Variants in PTPDC1 observed in about 807,000 individuals in gnomAD.
The protein encoded by PTPDC1 is protein tyrosine phosphatase domain containing 1, also known as protein tyrosine phosphatase domain-containing protein 1.
Under a neutral mutation model 75.3 loss-of-function variants are expected in PTPDC1, and 53 were observed. The observed-to-expected ratio is 0.70, with a 90% CI of 0.56 to 0.88. PTPDC1 has a LOEUF of 0.88. PTPDC1 is among the 40% of genes least tolerant of loss of function. The probability of loss-of-function intolerance (pLI) is 0.00; values close to 1 mark genes in which losing one functional copy is unlikely to be tolerated. For missense variants in PTPDC1, 925 were observed against 998.6 expected, an observed-to-expected ratio of 0.93 and a Z score of 0.99; for synonymous variants, 349 against 366.2, an observed-to-expected ratio of 0.95 and a Z score of 0.54.
upstream of PTPDC1, among the ~76,000 whole-genome samples, chr9:94,082,306 C>T (rs923596874): frequency 2.0e-5 from 3 of 152,214 alleles, no homozygotes; most frequent in Non-Finnish European, 4.4e-5. Flanking sequence ...CACCAGGCAC[C>T]CACTGCATTC....
intron 1 of PTPDC1, among the ~76,000 whole-genome samples, chr9:94,060,546 A>G (rs1826095924): frequency 6.6e-6 from 1 of 152,214 alleles, no homozygotes; most frequent in African/African-American, 2.4e-5. Context: ...AGTAATTTAT[A>G]AAGAAAAGAG....
At position 94,104,314 on chromosome 9, in the gene PTPDC1, G is replaced by T; in HGVS notation, c.2239G>T (p.Val747Leu). 1 of 1,613,890 alleles carries T rather than the reference G, an allele frequency of 6.2e-7. No homozygotes were observed. ...TATTCTCTGCGTGTTGCACTGCATAGTGAACCTGCAGACAATTCCCGTGGA... is the reference window on the plus strand; with the variant it reads ...TATTCTCTGCGTGTTGCACTGCATATTGAACCTGCAGACAATTCCCGTGGA... ...QTILCVLHCI[V>L]NLQTIPVDVE... The change falls in exon 8 of 9, where the codon GTG becomes TTG. Residue 747 changes from valine to leucine, a missense_variant. Physicochemically the swap from Val to Leu is conservative, Grantham distance 32 (BLOSUM62 1). Coordinates refer to ENST00000620992, the MANE Select transcript of PTPDC1 (RefSeq NM_001253829.2).
intron 7 of PTPDC1, 59 bp downstream of exon 7, chr9:94,101,810 GA>G (rs1347147486): frequency 8.9e-4 from 731 of 823,016 alleles, no homozygotes; most frequent in South Asian, 2.2e-3. Flanking sequence ...TTTTCACGCA[GA>G]AAAAAAAAAT....
At chr9:94,107,697 T>G (rs1036017682) in intron 8 of PTPDC1, 131 bp from the exon 9 acceptor site, 17 of 469,130 alleles carry the variant, frequency 3.6e-5, no homozygotes, top group Non-Finnish European at 6.1e-5. Context: ...TGTGTGAAAT[T>G]TATTATGTGT....
intron 1 of PTPDC1, among the ~76,000 whole-genome samples, chr9:94,057,700 C>CA (rs752047627): frequency 6.6e-5 from 10 of 152,134 alleles, no homozygotes; most frequent in Non-Finnish European, 1.5e-4. Flanking sequence ...AGTCAAGACT[C>CA]AAACACAGAA....
At chr9:94,058,640 A>G (rs1310053625) in intron 1 of PTPDC1, among the ~76,000 whole-genome samples, 1 of 151,658 alleles carries the variant, frequency 6.6e-6, no homozygotes, top group Non-Finnish European at 1.5e-5. Context: ...CTGGAGGGGG[A>G]AGTTGCAGTG....
intron 6 of PTPDC1, 60 bp from the exon 7 acceptor site, chr9:94,101,506 C>A: frequency 7.5e-7 from 1 of 1,333,076 alleles, no homozygotes; most frequent in Non-Finnish European, 1.1e-6. Flanking sequence ...AAATGGTGCA[C>A]CTCCCTCTCC....
intron 1 of PTPDC1, among the ~76,000 whole-genome samples, chr9:94,056,549 T>G (rs1233859673): frequency 6.6e-6 from 1 of 152,172 alleles, no homozygotes; most frequent in Admixed American, 6.5e-5. Flanking sequence ...GCTAGTGCTG[T>G]GAGAGTCTGG....
At chr9:94,086,969 C>T (rs1279369122) in intron 2 of PTPDC1, among the ~76,000 whole-genome samples, 1 of 152,218 alleles carries the variant, frequency 6.6e-6, no homozygotes, top group African/African-American at 2.4e-5. Context: ...AAAGACTTTA[C>T]ATCCACATCA....
intron 3 of PTPDC1, 109 bp downstream of exon 3, chr9:94,088,020 G>T (rs1216179347): frequency 2.1e-6 from 3 of 1,435,310 alleles, no homozygotes; most frequent in Admixed American, 1.8e-5. Context: ...AGGCAGTGAA[G>T]AGTGTATTTC....
At chr9:94,047,978 C>T (rs1825666894) in intron 1 of PTPDC1, among the ~76,000 whole-genome samples, 1 of 152,226 alleles carries the variant, frequency 6.6e-6, no homozygotes, top group Non-Finnish European at 1.5e-5. Flanking sequence ...CAGCTGAATT[C>T]TACCAGAGGT....
intron 1 of PTPDC1, among the ~76,000 whole-genome samples, chr9:94,033,297 T>C (rs1320996298): frequency 1.3e-5 from 2 of 152,230 alleles, no homozygotes. Context: ...AAGTTACTTA[T>C]ATATTTCTTT....
chr9:94,034,085 A>G (rs531424874), intron 1 of PTPDC1, among the ~76,000 whole-genome samples: 1 of 152,386 alleles, frequency 6.6e-6, no homozygotes, highest in African/African-American at 2.4e-5. Flanking sequence ...ATTTTGATAA[A>G]TGCTTAAACA....
chr9:94,069,164 C>A (rs894080537), intron 2 of PTPDC1, among the ~76,000 whole-genome samples: 2 of 152,148 alleles, frequency 1.3e-5, no homozygotes, highest in African/African-American at 2.4e-5. Flanking sequence ...ATCATGATTC[C>A]CAACCCCTTT....
rs200873026 is a variant in PTPDC1, at chr9:94,036,023, G to GTTT, written c.-7+4905_-7+4907dup. Among the ~76,000 whole-genome samples the GTTT allele has an allele frequency of 8.5e-4, 73 of 85,528 alleles. 4 individuals are homozygous for GTTT. Among genetic ancestry groups the GTTT allele is most frequent in the African/African-American group, 1.7e-3 (32 of 19,262 alleles). 56.1% of individuals were successfully genotyped at this position (85,528 alleles called of 152,430 possible). ...TTGCCCATTTTTAATCGGATTATTT[G>GTTT]TTTTTTTTTTTGTTTTTTTTTTGCT... is the stretch of plus-strand genomic sequence containing the variant. On this transcript the variant is annotated intron_variant, in intron 1 of 9. Coordinates refer to the PTPDC1 transcript ENST00000375360.
chr9:94,084,651 T>C lies in PTPDC1; in HGVS notation c.121T>C (p.Ser41Pro). Residue 41 changes from serine to proline, a missense_variant, in exon 1 of 9, where the codon TCT becomes CCT. Coordinates refer to ENST00000620992, the MANE Select transcript of PTPDC1 (RefSeq NM_001253829.2). ...VLRLQQARRG[S>P]GLGSGSATKL... ...GCGGCTGCAGCAGGCCCGGCGGGGC[T>C]CTGGCTTGGGCTCCGGCTCTGCCAC... is the stretch of plus-strand genomic sequence containing the variant. 1 of 1,613,264 alleles carries C rather than the reference T, an allele frequency of 6.2e-7. No homozygotes were observed. Among genetic ancestry groups the C allele is most frequent in the Non-Finnish European group, 8.5e-7 (1 of 1,179,654 alleles).
In PTPDC1 at chr9:94,085,257, T is replaced by C. The variant is rs1340322643; in HGVS notation, c.251T>C (p.Leu84Ser). 6.2e-7 allele frequency: 1 copy of C among 1,613,330 alleles called. No individual in the cohort carries two copies. The change falls in exon 2 of 9, where the codon TTA (leucine) becomes TCA (serine). Residue 84 changes from leucine to serine, a missense_variant. Physicochemically the swap from Leu to Ser is moderately radical, Grantham distance 145. Coordinates refer to ENST00000620992, the MANE Select transcript of PTPDC1 (RefSeq NM_001253829.2). Reference protein sequence around the residue: ...TFPERKSKGNLERPTPKYTKV... With the variant: ...TFPERKSKGNSERPTPKYTKV... ...CTTTCCTTATATGTTCTAGGAAATTTAGAACGTCCAACACCAAAGTACACA... is the reference window on the plus strand; with the variant it reads ...CTTTCCTTATATGTTCTAGGAAATTCAGAACGTCCAACACCAAAGTACACA...
chr9:94,103,251 G>A (rs972921703), intron 7 of PTPDC1, among the ~76,000 whole-genome samples: 1 of 152,346 alleles, frequency 6.6e-6, no homozygotes, highest in South Asian at 2.1e-4. Context: ...AACAGGAGAT[G>A]GTGAAAAGGC....
intron 4 of PTPDC1, among the ~76,000 whole-genome samples, chr9:94,092,403 A>T (rs1258542279): frequency 2.1e-5 from 3 of 141,432 alleles, no homozygotes; most frequent in Non-Finnish European, 3.1e-5. Flanking sequence ...TTTGAGTGAG[A>T]TTCTTAATCC....
Sources: allele counts gnomAD v4.1 joint callset (sites outside exome capture counted in the v4.1 genomes callset), GRCh38; gene constraint gnomAD v4.1.1; transcripts MANE v1.5; gene names NCBI Gene and HGNC (gene_info 2026-07-23, HGNC 2026-07-21).